DDHD2: variants seen among roughly 807,000 people sequenced by gnomAD.
DDHD2 encodes triacylglycerol hydrolase DDHD2.
In DDHD2, 62 loss-of-function variants were observed where a neutral mutation model predicts 91.2. The ratio of observed to expected loss-of-function variants is 0.68; its 90% CI spans 0.55 to 0.84. The LOEUF (loss-of-function observed/expected upper bound fraction) is 0.84, where lower values mean the gene tolerates loss of function less well. DDHD2 is among the 40% of genes least tolerant of loss of function. The pLI is 0.00. For missense variants in DDHD2, 740 were observed against 846.9 expected, an observed-to-expected ratio of 0.87 and a Z score of 1.57; for synonymous variants, 271 against 293.9, an observed-to-expected ratio of 0.92 and a Z score of 0.80.
chr8:38,253,464 C>T, intron 15 of DDHD2, 92 bp from the exon 16 acceptor site: 1 of 1,128,998 alleles, frequency 8.9e-7, no homozygotes, highest in South Asian at 1.5e-5. Flanking sequence ...GTAGCTCATT[C>T]TCTGGTAAAC....
chr8:38,264,518 G>A (rs1807288439), downstream of DDHD2: 2 of 1,561,760 alleles, frequency 1.3e-6, no homozygotes, highest in Non-Finnish European at 8.7e-7. Context: ...AATGGTTTAT[G>A]GCATTCTGCA....
At chr8:38,244,485 T>A (rs1314914065) in intron 7 of DDHD2, among the ~76,000 whole-genome samples, 1 of 150,206 alleles carries the variant, frequency 6.7e-6, no homozygotes, top group East Asian at 2.0e-4. Context: ...GCTGGACTCC[T>A]GACCTCATGA....
chr8:38,234,131 G>A (rs1054800367), intron 2 of DDHD2, among the ~76,000 whole-genome samples: 1 of 151,750 alleles, frequency 6.6e-6, no homozygotes, highest in Non-Finnish European at 1.5e-5. Context: ...TTTTTTAAGG[G>A]GCACTGCTAT....
At chr8:38,238,063 T>C in intron 4 of DDHD2, 26 bp from the exon 5 acceptor site, 4 of 1,565,018 alleles carry the variant, frequency 2.6e-6, no homozygotes, top group Non-Finnish European at 3.4e-6. Context: ...AGAATATTTT[T>C]ATTGCTCTGA....
intron 10 of DDHD2, 135 bp from the exon 11 acceptor site, chr8:38,249,573 T>C: frequency 2.2e-6 from 1 of 460,494 alleles, no homozygotes; most frequent in Non-Finnish European, 4.0e-6. Flanking sequence ...GGTCCTTTTT[T>C]CTGGAAGTTA....
chr8:38,237,202 C>T (rs1372265307), intron 3 of DDHD2, among the ~76,000 whole-genome samples: 1 of 151,846 alleles, frequency 6.6e-6, no homozygotes, highest in Non-Finnish European at 1.5e-5. Context: ...ATGGCCAAAC[C>T]CCGTATCTAC....
intron 6 of DDHD2, among the ~76,000 whole-genome samples, chr8:38,241,482 G>T (rs927642020): frequency 2.0e-5 from 3 of 151,668 alleles, no homozygotes; most frequent in Admixed American, 6.6e-5. Context: ...GTGTAGTGGT[G>T]TAAACTCAGC....
chr8:38,255,354 AATGATC>A (rs1435742932), intron 16 of DDHD2: 1 of 509,940 alleles, frequency 2.0e-6, no homozygotes, highest in Middle Eastern at 3.2e-4. Flanking sequence ...TAATGCTAAG[AATGATC>A]TCTGGTGATC....
At chr8:38,265,035 C>G (rs374773696), downstream of DDHD2, 837 of 890,224 alleles carry the variant, frequency 9.4e-4, 3 homozygotes, top group Middle Eastern at 4.5e-3. Context: ...TTGGGAGGAC[C>G]AGGCAGATGG....
intron 11 of DDHD2, 59 bp from the exon 12 acceptor site, chr8:38,251,853 G>T: frequency 7.9e-7 from 1 of 1,261,396 alleles, no homozygotes; most frequent in South Asian, 1.2e-5. Flanking sequence ...GAGTAGCTGG[G>T]ACTACAGGTG....
At chr8:38,233,921 T>A (rs1241004836) in intron 2 of DDHD2, among the ~76,000 whole-genome samples, 1 of 146,344 alleles carries the variant, frequency 6.8e-6, no homozygotes, top group African/African-American at 2.5e-5. Flanking sequence ...AGAGTGAGAC[T>A]TGTCTCAAAA....
rs574134038 is a variant in DDHD2, at chr8:38,231,733, C to G, written c.-135C>G. 1.3e-5 allele frequency: 2 copies of G among 152,120 alleles called. No individual in the cohort carries two copies. The highest frequency in any genetic ancestry group is 1.9e-4 in the East Asian group (1 of 5,174). 9.4% of individuals were successfully genotyped at this position (152,120 alleles called of 1,614,324 possible). On this transcript the variant is annotated 5_prime_UTR_variant, in exon 1 of 18. Coordinates refer to ENST00000397166, the MANE Select transcript of DDHD2 (RefSeq NM_015214.3). ...TGGCGCCTGGTGTTCGGCGCGAGCCCGGCGGGGCTGCAGGTTCCGCCCTGC... is the reference window on the plus strand; with the variant it reads ...TGGCGCCTGGTGTTCGGCGCGAGCCGGGCGGGGCTGCAGGTTCCGCCCTGC...
In DDHD2 at chr8:38,246,318, C is replaced by G; in HGVS notation, c.1125+18C>G. Reference sequence around the variant, plus strand: ...GTGAAAAGGTAATTTAGATGTTCAGCTAGGTTTTCTTGTAGTTTTCCTTAG... The same window carrying G: ...GTGAAAAGGTAATTTAGATGTTCAGGTAGGTTTTCTTGTAGTTTTCCTTAG... On this transcript the variant is annotated intron_variant, in intron 9 of 17. Coordinates refer to ENST00000397166, the MANE Select transcript of DDHD2 (RefSeq NM_015214.3). The G allele has an allele frequency of 6.3e-7, 1 of 1,580,450 alleles. No homozygotes were observed. The highest frequency in any genetic ancestry group is 1.1e-5 in the South Asian group (1 of 87,866).
intron 3 of DDHD2, 110 bp from the exon 4 acceptor site, chr8:38,237,428 G>A (rs1804885580): frequency 1.8e-6 from 1 of 570,842 alleles, no homozygotes; most frequent in Admixed American, 3.7e-5. Context: ...TTGATAAATT[G>A]GAGTAGGATA....
In DDHD2 at chr8:38,233,012, A is replaced by G. The variant is rs774404330; in HGVS notation, c.18A>G (p.Ser6=). The G allele has an allele frequency of 1.2e-6, 2 of 1,614,056 alleles. No individual in the cohort carries two copies. The highest frequency in any genetic ancestry group is 2.7e-5 in the African/African-American group (2 of 74,930). ...AGAGCGAAATGTCATCAGTGCAGTC[A>G]CAACAGGAGCAGTTGTCCCAGTCAG... The part of the protein sequence containing the change: MSSVQ[S]QQEQLSQSDP... The change falls in exon 2 of 18, where the codon TCA becomes TCG. Residue 6 remains serine, a synonymous_variant. Coordinates refer to ENST00000397166, the MANE Select transcript of DDHD2 (RefSeq NM_015214.3).
intron 10 of DDHD2, among the ~76,000 whole-genome samples, chr8:38,248,871 G>A (rs1051094182): frequency 1.3e-5 from 2 of 150,870 alleles, no homozygotes; most frequent in Admixed American, 6.6e-5. Flanking sequence ...CTTGAACCCA[G>A]GAGGTGGAGG....
chr8:38,269,075 C>T (rs1162845332), intron 1 of DDHD2: 17 of 1,525,706 alleles, frequency 1.1e-5, no homozygotes, highest in South Asian at 2.4e-5. Context: ...CCGTGCCGCC[C>T]GCCTGCCTGG....
chr8:38,234,135 C>A (rs1804512848), intron 2 of DDHD2, among the ~76,000 whole-genome samples: 1 of 151,988 alleles, frequency 6.6e-6, no homozygotes, highest in Non-Finnish European at 1.5e-5. Flanking sequence ...TTAAGGGGCA[C>A]TGCTATCTTT....
At chr8:38,268,728 C>G in intron 1 of DDHD2, 1 of 1,434,256 alleles carries the variant, frequency 7.0e-7, no homozygotes, top group Non-Finnish European at 9.1e-7. Flanking sequence ...CAATCAGGAT[C>G]TTAAACACTC....
Sources: allele counts gnomAD v4.1 joint callset (sites outside exome capture counted in the v4.1 genomes callset), GRCh38; gene constraint gnomAD v4.1.1; transcripts MANE v1.5; gene names NCBI Gene and HGNC (gene_info 2026-07-23, HGNC 2026-07-21).